SPMIP11: variants seen among roughly 807,000 people sequenced by gnomAD.
SPMIP11 encodes long intergenic non-protein coding RNA 935.
At chr12:48,740,927 C>A in the SPMIP11 span, among the ~76,000 whole-genome samples, 2 of 152,014 alleles carry the variant, frequency 1.3e-5, no homozygotes, top group East Asian at 3.9e-4. Context: ...GCTATGTTGC[C>A]CAGACTGGCC....
At chr12:48,759,974 T>C in the SPMIP11 span, among the ~76,000 whole-genome samples, 3 of 151,974 alleles carry the variant, frequency 2.0e-5, no homozygotes, top group African/African-American at 7.3e-5. Flanking sequence ...ACCTGGCTAA[T>C]TTTTGTATTT....
the SPMIP11 span, chr12:48,768,230 C>G: frequency 1.4e-5 from 5 of 353,914 alleles, no homozygotes; most frequent in Admixed American, 2.1e-4. Flanking sequence ...AACCTGCTGC[C>G]CAGACAGACA....
chr12:48,744,426 A>G, the SPMIP11 span, among the ~76,000 whole-genome samples: 2 of 151,922 alleles, frequency 1.3e-5, no homozygotes, highest in Non-Finnish European at 2.9e-5. Flanking sequence ...ACAAACAAAC[A>G]AAAGACTTGT....
the SPMIP11 span, among the ~76,000 whole-genome samples, chr12:48,757,853 G>A: frequency 6.6e-6 from 1 of 151,808 alleles, no homozygotes; most frequent in East Asian, 1.9e-4. Flanking sequence ...AATTAGCTGG[G>A]CATGGTGGCA....
the SPMIP11 span, among the ~76,000 whole-genome samples, chr12:48,743,933 C>CAAAAAA: frequency 2.6e-3 from 92 of 34,886 alleles, 2 homozygotes; most frequent in African/African-American, 9.6e-3. Context: ...GACTTCGTCT[C>CAAAAAA]AAAAAAAAAA....
the SPMIP11 span, chr12:48,768,762 C>G: frequency 6.2e-7 from 1 of 1,603,676 alleles, no homozygotes; most frequent in African/African-American, 1.3e-5. Context: ...ATCCTTCCTG[C>G]TGCATTTGCA....
the SPMIP11 span, among the ~76,000 whole-genome samples, chr12:48,742,282 T>TTTTTC: frequency 7.5e-6 from 1 of 132,556 alleles, no homozygotes; most frequent in Non-Finnish European, 1.6e-5. Context: ...CTTTTCCTTT[T>TTTTTC]TTTTTTTTTT....
At chr12:48,729,302 G>A in the SPMIP11 span, among the ~76,000 whole-genome samples, 1 of 152,056 alleles carries the variant, frequency 6.6e-6, no homozygotes, top group African/African-American at 2.4e-5. Context: ...TTGGGAGGCC[G>A]AGATGGGCAG....
At chr12:48,729,254 A>T in the SPMIP11 span, among the ~76,000 whole-genome samples, 2,895 of 151,258 alleles carry the variant, frequency 0.019, 97 homozygotes, top group African/African-American at 0.066. Flanking sequence ...ACAAAAAAAG[A>T]GCCGGGCGCG....
chr12:48,735,048 G>C, the SPMIP11 span, among the ~76,000 whole-genome samples: 2 of 151,132 alleles, frequency 1.3e-5, no homozygotes, highest in Non-Finnish European at 2.9e-5. Flanking sequence ...GGAGGAAGGA[G>C]GGGGCCACAT....
At chr12:48,771,058 GC>G in the SPMIP11 span, 1 of 1,331,644 alleles carries the variant, frequency 7.5e-7, no homozygotes, top group Non-Finnish European at 1.0e-6. The surrounding 1 kb of genome is among the most constrained non-coding windows in gnomAD (Gnocchi z 4.3). Context: ...CGCCTTGGCT[GC>G]CTTCCCCACT....
the SPMIP11 span, among the ~76,000 whole-genome samples, chr12:48,754,925 G>A: frequency 2.0e-5 from 3 of 152,134 alleles, no homozygotes; most frequent in Admixed American, 6.5e-5. Context: ...CCAAAGTGCT[G>A]GGATTATAGG....
the SPMIP11 span, among the ~76,000 whole-genome samples, chr12:48,734,808 C>T: frequency 8.4e-3 from 1,280 of 151,980 alleles, 13 homozygotes; most frequent in Non-Finnish European, 0.014. Context: ...TCGAGACCAT[C>T]CTGGCTAACA....
At chr12:48,738,762 G>A in the SPMIP11 span, among the ~76,000 whole-genome samples, 2 of 152,148 alleles carry the variant, frequency 1.3e-5, no homozygotes, top group East Asian at 3.9e-4. Context: ...TTATGACTTA[G>A]TCTCAGAAGT....
the SPMIP11 span, chr12:48,759,349 G>A: frequency 1.4e-6 from 1 of 702,518 alleles, no homozygotes; most frequent in Non-Finnish European, 2.6e-6. Flanking sequence ...CCTTGGGGTG[G>A]GCATCATGCT....
the SPMIP11 span, among the ~76,000 whole-genome samples, chr12:48,754,529 C>T: frequency 2.6e-5 from 4 of 151,950 alleles, no homozygotes; most frequent in African/African-American, 9.7e-5. Flanking sequence ...CGGCTCACTG[C>T]AAGCTCCACC....
the SPMIP11 span, among the ~76,000 whole-genome samples, chr12:48,747,088 T>G: frequency 6.6e-6 from 1 of 152,146 alleles, no homozygotes; most frequent in Admixed American, 6.5e-5. Context: ...ACAACTGAGT[T>G]TGAAAGTGCC....
chr12:48,742,277 CCTTTTTTTT>C, the SPMIP11 span, among the ~76,000 whole-genome samples: 2 of 87,222 alleles, frequency 2.3e-5, no homozygotes, highest in Admixed American at 1.4e-4. Flanking sequence ...CTTTTCTTTT[CCTTTTTTTT>C]TTTTTTTTTT....
chr12:48,734,878 G>A, the SPMIP11 span, among the ~76,000 whole-genome samples: 3 of 151,710 alleles, frequency 2.0e-5, no homozygotes, highest in African/African-American at 4.8e-5. Context: ...GGTGGCGGGC[G>A]GCTGTAGTCC....
Sources: allele counts gnomAD v4.1 joint callset (sites outside exome capture counted in the v4.1 genomes callset), GRCh38; gene constraint gnomAD v4.1.1; non-coding constraint Gnocchi (gnomAD v3.1); transcripts MANE v1.5; gene names NCBI Gene and HGNC (gene_info 2026-07-23, HGNC 2026-07-21).